Variants in RSBN1L observed in about 807,000 individuals in gnomAD.
The protein encoded by RSBN1L is round spermatid basic protein 1 like, also known as lysine-specific demethylase RSBN1L.
RSBN1L carries 30 observed loss-of-function variants against 67.7 expected under a neutral mutation model. The ratio of observed to expected loss-of-function variants is 0.44; its 90% CI spans 0.33 to 0.60. The LOEUF is 0.60. RSBN1L is among the 20% of genes least tolerant of loss of function. The pLI is 0.02. For missense variants in RSBN1L, 992 were observed against 1,031.7 expected (o/e 0.96, Z 0.53); for synonymous variants, 433 against 387.0 (o/e 1.12, Z -1.39).
At chr7:77,744,481 CT>C (rs985267642) in intron 2 of RSBN1L, among the ~76,000 whole-genome samples, 1 of 151,490 alleles carries the variant, frequency 6.6e-6, no homozygotes, top group Non-Finnish European at 1.5e-5. Context: ...TAGAGATAGA[CT>C]TTTTTTTTGA....
chr7:77,736,535 T>C lies in RSBN1L; in HGVS notation c.703+9T>C. On this transcript the variant is annotated intron_variant, in intron 2 of 7. Coordinates refer to ENST00000334955, the MANE Select transcript of RSBN1L (RefSeq NM_198467.3). ...AAAGATTTTGCTGAAAAGTAAGTTT[T>C]ATTCAGTGATTTTAGTTCTACTTTA... is the stretch of plus-strand genomic sequence containing the variant. 7.8e-7 allele frequency: 1 copy of C among 1,284,280 alleles called. No individual in the cohort carries two copies. The highest frequency in any genetic ancestry group is 1.1e-6 in the Non-Finnish European group (1 of 945,282). 79.6% of individuals were successfully genotyped at this position (1,284,280 alleles called of 1,614,324 possible).
At position 77,696,519 on chromosome 7, in the gene RSBN1L, C is replaced by G. The variant is rs565275242; in HGVS notation, c.50C>G (p.Thr17Ser). Residue 17 changes from threonine to serine, a missense_variant, in exon 1 of 8, where the codon ACC becomes AGC. Transcript: ENST00000334955. ...PVHCVAAAAP[T>S]ATVSEKEPFG... ...CACTGTGTCGCTGCCGCGGCCCCCA[C>G]CGCCACCGTCTCGGAGAAAGAACCG... 6.2e-7 allele frequency: 1 copy of G among 1,613,660 alleles called. No homozygotes were observed. Among genetic ancestry groups the G allele is most frequent in the South Asian group, 1.1e-5 (1 of 91,076 alleles).
intron 3 of RSBN1L, among the ~76,000 whole-genome samples, chr7:77,761,831 A>G (rs549636258): frequency 1.3e-5 from 2 of 152,324 alleles, no homozygotes; most frequent in South Asian, 4.1e-4. Flanking sequence ...AAAATTTAAT[A>G]CTTTTACAGA....
intron 6 of RSBN1L, among the ~76,000 whole-genome samples, chr7:77,775,707 C>T (rs1791904331): frequency 6.6e-6 from 1 of 151,984 alleles, no homozygotes; most frequent in African/African-American, 2.4e-5. Context: ...TTCTAAATTT[C>T]TTGGGGTTTG....
intron 6 of RSBN1L, among the ~76,000 whole-genome samples, chr7:77,775,067 G>C (rs1224545652): frequency 1.3e-5 from 2 of 152,078 alleles, no homozygotes; most frequent in African/African-American, 4.8e-5. Flanking sequence ...TTGTATTACT[G>C]TTCCTTGCAG....
Position 77,749,628 on chromosome 7 carries a change from A to T in RSBN1L, c.908A>T (p.Tyr303Phe), listed in dbSNP as rs769456042. Residue 303 changes from tyrosine to phenylalanine, a missense_variant, in exon 3 of 8, where the codon TAC (tyrosine) becomes TTC (phenylalanine). By Grantham distance (22) the Tyr-to-Phe change is conservative. Transcript: ENST00000334955. ...KGILNDNIKD[Y>F]VGKNLDTKNY... ...ATCCTAAATGATAACATAAAAGATTACGTTGGGAAGAATTTGGATACCAAG... is the reference window on the plus strand; with the variant it reads ...ATCCTAAATGATAACATAAAAGATTTCGTTGGGAAGAATTTGGATACCAAG... 1.4e-5 allele frequency: 23 copies of T among 1,614,058 alleles called. No homozygotes were observed. In the Admixed American group the frequency reaches 3.8e-4, roughly 27 times the overall value.
chr7:77,774,241 C>T (rs1007195823), intron 6 of RSBN1L, among the ~76,000 whole-genome samples: 1 of 152,172 alleles, frequency 6.6e-6, no homozygotes, highest in Non-Finnish European at 1.5e-5. Flanking sequence ...TCATCTCATA[C>T]ATTAAATACC....
intron 1 of RSBN1L, among the ~76,000 whole-genome samples, chr7:77,734,491 C>G (rs906796671): frequency 6.6e-6 from 1 of 151,186 alleles, no homozygotes; most frequent in Non-Finnish European, 1.5e-5. Context: ...CTTGGAGTAA[C>G]ATTTTTTTTT....
chr7:77,725,244 CTT>C lies in RSBN1L; in HGVS notation c.587-11146_587-11145del, dbSNP rs779531960. Among the ~76,000 whole-genome samples, 32 of 73,640 alleles carry C rather than the reference CTT, an allele frequency of 4.3e-4. 2 individuals are homozygous for C. The highest frequency in any genetic ancestry group is 1.4e-3 in the African/African-American group (21 of 14,952). 48.3% of individuals were successfully genotyped at this position (73,640 alleles called of 152,430 possible). A position where few individuals can be genotyped will look rare whatever the true frequency, so the allele number is the denominator to read the frequency against. On this transcript the variant is annotated intron_variant, in intron 1 of 7. Transcript: ENST00000334955. ...TTCTTCCCTAGGGATAAGCCCCCCA[CTT>C]TTTTTTTTTTTTTTTTTTTGAGATG...
chr7:77,716,876 T>A (rs1274790411), intron 1 of RSBN1L, among the ~76,000 whole-genome samples: 2 of 151,986 alleles, frequency 1.3e-5, no homozygotes, highest in Non-Finnish European at 2.9e-5. Flanking sequence ...GGTGATCTGC[T>A]TGCCTTGGCC....
chr7:77,699,768 T>G (rs771761057), intron 1 of RSBN1L, among the ~76,000 whole-genome samples: 1 of 151,858 alleles, frequency 6.6e-6, no homozygotes, highest in East Asian at 1.9e-4. Flanking sequence ...AAATTTCTTA[T>G]AAGAAGGAAA....
intron 2 of RSBN1L, among the ~76,000 whole-genome samples, chr7:77,746,591 A>G (rs1305200668): frequency 6.6e-6 from 1 of 152,188 alleles, no homozygotes; most frequent in Non-Finnish European, 1.5e-5. Flanking sequence ...AAATTCAGTC[A>G]TGCCTTGCCA....
At chr7:77,710,112 T>G (rs1316810100) in intron 1 of RSBN1L, among the ~76,000 whole-genome samples, 2 of 152,210 alleles carry the variant, frequency 1.3e-5, no homozygotes, top group Non-Finnish European at 2.9e-5. Flanking sequence ...TTAGTTCAAA[T>G]TACCATTATC....
At chr7:77,770,779 T>C (rs956000532) in intron 5 of RSBN1L, among the ~76,000 whole-genome samples, 1 of 152,228 alleles carries the variant, frequency 6.6e-6, no homozygotes, top group African/African-American at 2.4e-5. Flanking sequence ...GAGTAATGTA[T>C]CTAATATGAT....
intron 1 of RSBN1L, among the ~76,000 whole-genome samples, chr7:77,699,604 T>A (rs1381628460): frequency 6.6e-6 from 1 of 152,172 alleles, no homozygotes; most frequent in Non-Finnish European, 1.5e-5. Flanking sequence ...CATTGACAGA[T>A]ATGAAAGTTA....
chr7:77,780,093 G>A lies in RSBN1L; in HGVS notation c.*925G>A, dbSNP rs1289578022. 2 of 152,124 alleles carry A rather than the reference G, an allele frequency of 1.3e-5. No individual in the cohort carries two copies. Among genetic ancestry groups the A allele is most frequent in the Non-Finnish European group, 2.9e-5 (2 of 68,054 alleles). The allele number at this position is 152,124 out of a possible 1,614,324, so 9.4% of individuals were successfully genotyped here. A position where few individuals can be genotyped will look rare whatever the true frequency, so the allele number is the denominator to read the frequency against. ...GATCCGCCCACCTTGGCCTCCCAAAGTGCTGGGATTGCAGGGGTGAGCCAC... is the reference window on the plus strand; with the variant it reads ...GATCCGCCCACCTTGGCCTCCCAAAATGCTGGGATTGCAGGGGTGAGCCAC... On this transcript the variant is annotated 3_prime_UTR_variant, in exon 8 of 8. Transcript: ENST00000334955.
At chr7:77,767,273 A>AG (rs1225634020) in intron 4 of RSBN1L, among the ~76,000 whole-genome samples, 9 of 125,314 alleles carry the variant, frequency 7.2e-5, no homozygotes, top group African/African-American at 2.5e-4. Flanking sequence ...CTTTTTGAAA[A>AG]GGGGGTGTGT....
At chr7:77,756,984 T>G (rs1452880246) in intron 3 of RSBN1L, among the ~76,000 whole-genome samples, 2 of 152,208 alleles carry the variant, frequency 1.3e-5, no homozygotes, top group East Asian at 3.9e-4. Context: ...CACCAATAGC[T>G]GTGGAACCCA....
chr7:77,739,095 G>A (rs918406642), intron 2 of RSBN1L, among the ~76,000 whole-genome samples: 2 of 152,122 alleles, frequency 1.3e-5, no homozygotes, highest in South Asian at 2.1e-4. Flanking sequence ...TACTATCTAC[G>A]AGAAAGAATT....
Sources: allele counts gnomAD v4.1 joint callset (sites outside exome capture counted in the v4.1 genomes callset), GRCh38; gene constraint gnomAD v4.1.1; transcripts MANE v1.5; gene names NCBI Gene and HGNC (gene_info 2026-07-23, HGNC 2026-07-21).